PDZRN4: variants seen among roughly 807,000 people sequenced by gnomAD.
The protein encoded by PDZRN4 is PDZ domain containing ring finger 4, also known as PDZ domain-containing RING finger protein 4.
Under a neutral mutation model 99.0 loss-of-function variants are expected in PDZRN4, and 70 were observed. The observed-to-expected ratio is 0.71, with a 90% confidence interval of 0.58 to 0.86. The LOEUF is 0.86. Ranked by LOEUF, PDZRN4 falls within the 40% of genes least tolerant of loss-of-function variation. The probability of loss-of-function intolerance (pLI) is 0.00; values close to 1 mark genes in which losing one functional copy is unlikely to be tolerated. For missense variants in PDZRN4, 1,474 were observed against 1,331.2 expected (o/e 1.11, Z -1.67); for synonymous variants, 551 against 501.6 (o/e 1.10, Z -1.32).
At chr12:41,305,452 C>T (rs1951562817) in intron 3 of PDZRN4, among the ~76,000 whole-genome samples, 1 of 152,170 alleles carries the variant, frequency 6.6e-6, no homozygotes, top group African/African-American at 2.4e-5. Context: ...GATTGAACAA[C>T]TGATGTGTAT....
At chr12:41,425,563 C>T (rs1039822122) in intron 3 of PDZRN4, among the ~76,000 whole-genome samples, 1 of 151,924 alleles carries the variant, frequency 6.6e-6, no homozygotes, top group Non-Finnish European at 1.5e-5. Context: ...TGTTTTTCTC[C>T]AAGCATCTAT....
chr12:41,551,132 A>T (rs1433469526), intron 5 of PDZRN4, among the ~76,000 whole-genome samples: 2 of 152,168 alleles, frequency 1.3e-5, no homozygotes, highest in Non-Finnish European at 2.9e-5. Flanking sequence ...TAGGAAGTAG[A>T]AGATCAAGGC....
intron 3 of PDZRN4, among the ~76,000 whole-genome samples, chr12:41,312,012 GAGTGA>G (rs1220484258): frequency 6.6e-6 from 1 of 152,138 alleles, no homozygotes; most frequent in Non-Finnish European, 1.5e-5. Flanking sequence ...CCAGGCAGCT[GAGTGA>G]GAGGAAAGCT....
intron 3 of PDZRN4, among the ~76,000 whole-genome samples, chr12:41,262,088 G>T (rs1224576484): frequency 6.6e-6 from 1 of 152,166 alleles, no homozygotes; most frequent in Non-Finnish European, 1.5e-5. Context: ...CCTCCCCCGT[G>T]ATTCCATTTG....
chr12:41,417,622 G>A (rs1952455609), intron 3 of PDZRN4, among the ~76,000 whole-genome samples: 1 of 152,138 alleles, frequency 6.6e-6, no homozygotes, highest in African/African-American at 2.4e-5. Context: ...TCCTATTATA[G>A]CAATAATTAC....
chr12:41,488,252 G>A (rs1937813648), intron 3 of PDZRN4, among the ~76,000 whole-genome samples: 1 of 152,164 alleles, frequency 6.6e-6, no homozygotes, highest in Non-Finnish European at 1.5e-5. Context: ...TTGTAGAAGA[G>A]CACATGGAAT....
At chr12:41,422,974 C>T (rs1052577025) in intron 3 of PDZRN4, among the ~76,000 whole-genome samples, 2 of 152,062 alleles carry the variant, frequency 1.3e-5, no homozygotes, top group Non-Finnish European at 2.9e-5. Flanking sequence ...TTTACATATG[C>T]TGATTCTGGT....
rs1360876714 is a variant in PDZRN4, at chr12:41,518,788, CA to C, written c.1203+8883del. On this transcript the variant is annotated intron_variant, in intron 5 of 9. Coordinates refer to ENST00000402685, the MANE Select transcript of PDZRN4 (RefSeq NM_001164595.2). ...CCTATGTAGTGAGACCCCGTATCTA[CA>C]AAAAAAATAATTAACTGGGCATGGT... 3.3e-5 allele frequency among the ~76,000 whole-genome samples: 5 copies of C among 151,456 alleles called. No homozygotes were observed. The South Asian group carries it at 1.0e-3, about 32-fold the overall frequency.
intron 3 of PDZRN4, among the ~76,000 whole-genome samples, chr12:41,475,124 C>T (rs1363836684): frequency 6.6e-6 from 1 of 152,124 alleles, no homozygotes; most frequent in African/African-American, 2.4e-5. Context: ...TTTCTAGGTT[C>T]TCTCATCCCT....
chr12:41,471,608 A>G (rs1381880130), intron 3 of PDZRN4, among the ~76,000 whole-genome samples: 1 of 150,566 alleles, frequency 6.6e-6, no homozygotes, highest in Non-Finnish European at 1.5e-5. Flanking sequence ...GATGATGTTA[A>G]TGATGATGAT....
intron 3 of PDZRN4, among the ~76,000 whole-genome samples, chr12:41,465,831 A>T (rs1443603174): frequency 6.6e-6 from 1 of 152,252 alleles, no homozygotes; most frequent in Admixed American, 6.5e-5. Flanking sequence ...AGTGATACTT[A>T]TATAACTTAA....
chr12:41,188,376 C>G lies in PDZRN4; in HGVS notation c.-80C>G. ...TGCCGCCGCCGCGAGACGGCTGCCCCGGGGGTGGCCCGGGGAAGGCAGGGG... is the reference window on the plus strand; with the variant it reads ...TGCCGCCGCCGCGAGACGGCTGCCCGGGGGGTGGCCCGGGGAAGGCAGGGG... On this transcript the variant is annotated 5_prime_UTR_variant, in exon 1 of 10. Transcript: ENST00000402685. 7.4e-7 allele frequency: 1 copy of G among 1,352,182 alleles called. No homozygotes were observed. Among genetic ancestry groups the G allele is most frequent in the Non-Finnish European group, 9.8e-7 (1 of 1,024,596 alleles). 83.8% of individuals were successfully genotyped at this position (1,352,182 alleles called of 1,614,324 possible).
chr12:41,270,410 A>T (rs1383039477), intron 3 of PDZRN4, among the ~76,000 whole-genome samples: 1 of 151,800 alleles, frequency 6.6e-6, no homozygotes, highest in Non-Finnish European at 1.5e-5. Flanking sequence ...ATAGAAATAA[A>T]GATTAATGAA....
intron 3 of PDZRN4, among the ~76,000 whole-genome samples, chr12:41,505,225 G>C (rs547104355): frequency 1.3e-5 from 2 of 152,024 alleles, no homozygotes; most frequent in Non-Finnish European, 2.9e-5. Flanking sequence ...TTGCTGGTGC[G>C]TAACAGTTAT....
At chr12:41,533,809 A>G (rs1004201581) in intron 5 of PDZRN4, among the ~76,000 whole-genome samples, 1 of 152,058 alleles carries the variant, frequency 6.6e-6, no homozygotes, top group African/African-American at 2.4e-5. Context: ...ACTTATAACT[A>G]TTTACAAATT....
At chr12:41,472,223 G>A (rs1482505016) in intron 3 of PDZRN4, among the ~76,000 whole-genome samples, 2 of 152,004 alleles carry the variant, frequency 1.3e-5, no homozygotes, top group Non-Finnish European at 2.9e-5. Flanking sequence ...AGCTGGCCTC[G>A]ACCTCCTGAC....
At chr12:41,220,534 T>C (rs1359129550) in intron 3 of PDZRN4, among the ~76,000 whole-genome samples, 1 of 152,156 alleles carries the variant, frequency 6.6e-6, no homozygotes, top group Non-Finnish European at 1.5e-5. Flanking sequence ...AGGAAGGACC[T>C]GCCATCAAGT....
chr12:41,354,780 A>G (rs561623331), intron 3 of PDZRN4, among the ~76,000 whole-genome samples: 2 of 152,174 alleles, frequency 1.3e-5, no homozygotes, highest in African/African-American at 4.8e-5. Context: ...TCAATTAGAT[A>G]TTAAAGGTTG....
intron 3 of PDZRN4, among the ~76,000 whole-genome samples, chr12:41,448,374 C>T (rs1001300236): frequency 6.6e-6 from 1 of 152,148 alleles, no homozygotes; most frequent in Non-Finnish European, 1.5e-5. Context: ...AGCCCTAATA[C>T]CTTATGGCTC....
Sources: allele counts gnomAD v4.1 joint callset (sites outside exome capture counted in the v4.1 genomes callset), GRCh38; gene constraint gnomAD v4.1.1; transcripts MANE v1.5; gene names NCBI Gene and HGNC (gene_info 2026-07-23, HGNC 2026-07-21).